The following MPHOSPH6 variants were observed in gnomAD, a reference collection of about 807,000 sequenced individuals.
MPHOSPH6 encodes M-phase phosphoprotein 6.
Under a neutral mutation model 21.8 loss-of-function variants are expected in MPHOSPH6, and 25 were observed. The observed-to-expected ratio is 1.15, with a 90% CI of 0.83 to 1.60. The LOEUF is 1.60. Ranked by LOEUF, MPHOSPH6 falls within the 40% of genes most tolerant of loss-of-function variation. The probability of loss-of-function intolerance (pLI) is 0.00; values close to 1 mark genes in which losing one functional copy is unlikely to be tolerated. For synonymous variants in MPHOSPH6, 84 were observed against 56.5 expected, an observed-to-expected ratio of 1.49 and a Z score of -2.18; for missense variants, 269 against 181.8, an observed-to-expected ratio of 1.48 and a Z score of -2.76.
At chr16:82,169,913 C>T (rs577118250) in intron 1 of MPHOSPH6, among the ~76,000 whole-genome samples, 5 of 152,320 alleles carry the variant, frequency 3.3e-5, no homozygotes, top group African/African-American at 9.6e-5. Flanking sequence ...CTCCCATCCG[C>T]CCGCGGGCCT....
intron 3 of MPHOSPH6, among the ~76,000 whole-genome samples, chr16:82,150,013 C>CTT (rs68120502): frequency 1.4e-5 from 2 of 147,094 alleles, no homozygotes; most frequent in Non-Finnish European, 1.5e-5. Context: ...ATCCTCTGAC[C>CTT]TTTTTTTTTT....
intron 2 of MPHOSPH6, among the ~76,000 whole-genome samples, chr16:82,152,897 T>C (rs746991990): frequency 6.6e-6 from 1 of 152,222 alleles, no homozygotes; most frequent in African/African-American, 2.4e-5. Flanking sequence ...CTCATAAAGA[T>C]TCCCTTATGC....
intron 2 of MPHOSPH6, among the ~76,000 whole-genome samples, chr16:82,157,788 G>C (rs1906475213): frequency 6.6e-6 from 1 of 152,206 alleles, no homozygotes; most frequent in African/African-American, 2.4e-5. Context: ...GGATGCCCAG[G>C]TGAAGAACAC....
chr16:82,162,872 G>A (rs1017176167), intron 2 of MPHOSPH6, among the ~76,000 whole-genome samples: 1 of 152,178 alleles, frequency 6.6e-6, no homozygotes, highest in African/African-American at 2.4e-5. Context: ...GAAAAATACT[G>A]GAAACAAGAT....
chr16:82,163,028 A>G (rs933701844), intron 2 of MPHOSPH6, among the ~76,000 whole-genome samples: 1 of 152,142 alleles, frequency 6.6e-6, no homozygotes, highest in Non-Finnish European at 1.5e-5. Context: ...CCTCCTCACC[A>G]ACATCTTGCT....
Position 82,157,283 on chromosome 16 carries a change from A to G in MPHOSPH6, c.165-5769T>C, listed in dbSNP as rs1411872948. Among the ~76,000 whole-genome samples, 23 of 152,342 alleles carry G rather than the reference A, an allele frequency of 1.5e-4. No individual in the cohort carries two copies. The South Asian group carries it at 4.6e-3, about 30-fold the overall frequency. On this transcript the variant is annotated intron_variant, in intron 2 of 4. Transcript: ENST00000258169. ...CATTAATAGAAGAATGAATAGATATACCGTGGTGTATCTGTAAAATGAAAT... is the reference window on the plus strand; with the variant it reads ...CATTAATAGAAGAATGAATAGATATGCCGTGGTGTATCTGTAAAATGAAAT...
chr16:82,155,096 A>C (rs960513229), intron 2 of MPHOSPH6, among the ~76,000 whole-genome samples: 3 of 152,222 alleles, frequency 2.0e-5, no homozygotes, highest in Non-Finnish European at 2.9e-5. Context: ...AACAAAATAA[A>C]AATCATGATC....
At chr16:82,167,954 T>A (rs1437940390) in intron 1 of MPHOSPH6, among the ~76,000 whole-genome samples, 2 of 152,154 alleles carry the variant, frequency 1.3e-5, no homozygotes, top group Non-Finnish European at 2.9e-5. Flanking sequence ...CTCCATGCCT[T>A]CTCACAGTAT....
chr16:82,164,033 T>G, intron 2 of MPHOSPH6, 49 bp downstream of exon 2: 1 of 1,265,830 alleles, frequency 7.9e-7, no homozygotes, highest in Non-Finnish European at 1.1e-6. Flanking sequence ...ACCAGGAGTT[T>G]CCTTCTGAAT....
chr16:82,169,483 C>G (rs1435625625), intron 1 of MPHOSPH6, among the ~76,000 whole-genome samples: 3 of 152,212 alleles, frequency 2.0e-5, no homozygotes, highest in Non-Finnish European at 4.4e-5. Flanking sequence ...CTGAGTACTT[C>G]TCTGGGTCTC....
rs1906262750 is a variant in MPHOSPH6 at position 82,151,488 on chromosome 16, A to G, written c.191T>C (p.Phe64Ser). ...KESFIIEEQS[F>S]LLCEDLLYGR... ...ATAGAGAAGATCTTCACATAGTAAG[A>G]AACTCTGCTCTTCTATTATGAAACT... The change falls in exon 3 of 5, where the codon TTC becomes TCC. Residue 64 changes from phenylalanine to serine, a missense_variant. By Grantham distance (155) the Phe-to-Ser change is radical. Coordinates refer to ENST00000258169, the MANE Select transcript of MPHOSPH6 (RefSeq NM_005792.2). The G allele has an allele frequency of 6.2e-7, 1 of 1,602,296 alleles. No individual in the cohort carries two copies. Among genetic ancestry groups the G allele is most frequent in the African/African-American group, 1.3e-5 (1 of 74,412 alleles).
chr16:82,165,131 T>TTTTTTTTTTTTTTTTTTTG (rs1906729686), intron 1 of MPHOSPH6, among the ~76,000 whole-genome samples: 1 of 85,840 alleles, frequency 1.2e-5, no homozygotes, highest in African/African-American at 7.1e-5. Context: ...ATTTTTTTTT[T>TTTTTTTTTTTTTTTTTTTG]TATTTTTTTT....
At chr16:82,167,021 G>A (rs2967357) in intron 1 of MPHOSPH6, among the ~76,000 whole-genome samples, 4,355 of 152,300 alleles carry the variant, frequency 0.029, 200 homozygotes, top group African/African-American at 0.099. Context: ...CAGGCTAGAT[G>A]TCTGTTGTCG....
intron 1 of MPHOSPH6, chr16:82,164,979 C>T (rs1906718930): frequency 6.6e-6 from 1 of 152,070 alleles, no homozygotes; most frequent in Admixed American, 6.6e-5. Flanking sequence ...AGGCTAACCA[C>T]AGCAACAAGA....
rs1454638909 is a variant in MPHOSPH6 at position 82,154,457 on chromosome 16, G to T, written c.165-2943C>A. Among the ~76,000 whole-genome samples the T allele has an allele frequency of 2.0e-5, 3 of 152,050 alleles. No homozygotes were observed. The East Asian group carries it at 5.8e-4, about 29-fold the overall frequency. ...AATTCCTAGACATGCAAGGAAGCAA[G>T]AAAATGTAATCCCCTCATAGAAAGA... On this transcript the variant is annotated intron_variant, in intron 2 of 4. Transcript: ENST00000258169.
intron 2 of MPHOSPH6, among the ~76,000 whole-genome samples, chr16:82,162,610 A>G (rs952590273): frequency 6.6e-6 from 1 of 152,146 alleles, no homozygotes; most frequent in African/African-American, 2.4e-5. Context: ...TGACTCTGCA[A>G]GCTCAGGTGG....
At chr16:82,154,442 C>T (rs1313668027) in intron 2 of MPHOSPH6, among the ~76,000 whole-genome samples, 2 of 152,078 alleles carry the variant, frequency 1.3e-5, no homozygotes, top group African/African-American at 4.8e-5. Flanking sequence ...AATTCCTAGA[C>T]ATGCAAGGAA....
chr16:82,167,217 C>G (rs1597166147), intron 1 of MPHOSPH6, among the ~76,000 whole-genome samples: 1 of 152,170 alleles, frequency 6.6e-6, no homozygotes, highest in African/African-American at 2.4e-5. Context: ...AATAAGCACC[C>G]TCTACAACCA....
At chr16:82,153,151 C>T (rs1469269202) in intron 2 of MPHOSPH6, among the ~76,000 whole-genome samples, 1 of 152,110 alleles carries the variant, frequency 6.6e-6, no homozygotes, top group African/African-American at 2.4e-5. Context: ...AAAAAAGGAG[C>T]CTCTGCTCTC....
Sources: allele counts gnomAD v4.1 joint callset (sites outside exome capture counted in the v4.1 genomes callset), GRCh38; gene constraint gnomAD v4.1.1; transcripts MANE v1.5; gene names NCBI Gene and HGNC (gene_info 2026-07-23, HGNC 2026-07-21).